RAD51B: variants seen among roughly 807,000 people sequenced by gnomAD.
RAD51B encodes the protein RAD51 paralog B.
RAD51B carries 38 observed loss-of-function variants against 42.2 expected under a neutral mutation model. The observed-to-expected ratio is 0.90, with a 90% CI of 0.70 to 1.18. The LOEUF (loss-of-function observed/expected upper bound fraction) is 1.18. Among genes scored for constraint, RAD51B ranks in the 50% most tolerant of loss-of-function variants. The pLI is 0.00. For missense variants in RAD51B, 373 were observed against 400.7 expected (o/e 0.93, Z 0.59); for synonymous variants, 154 against 145.2 (o/e 1.06, Z -0.43).
intron 8 of RAD51B, among the ~76,000 whole-genome samples, chr14:68,354,374 G>A (rs753398076): frequency 4.0e-5 from 6 of 151,880 alleles, no homozygotes; most frequent in East Asian, 3.9e-4. Context: ...ACACCACCAC[G>A]CCCAGCTAAT....
intron 7 of RAD51B, among the ~76,000 whole-genome samples, chr14:68,254,571 G>T (rs2080711308): frequency 6.6e-6 from 1 of 152,010 alleles, no homozygotes; most frequent in Admixed American, 6.6e-5. Context: ...TCACTACTTT[G>T]ACAATATTGT....
chr14:68,003,923 A>G (rs921581344), intron 7 of RAD51B, among the ~76,000 whole-genome samples: 12 of 152,108 alleles, frequency 7.9e-5, no homozygotes, highest in African/African-American at 2.9e-4. Context: ...TGCCAGTAAA[A>G]TTTTGTAATT....
intron 8 of RAD51B, among the ~76,000 whole-genome samples, chr14:68,377,637 A>G (rs1051121848): frequency 6.6e-6 from 1 of 152,168 alleles, no homozygotes; most frequent in Non-Finnish European, 1.5e-5. Context: ...CTGGTGTAGG[A>G]CAATACCAGT....
chr14:68,050,386 A>G lies in RAD51B; in HGVS notation c.756+163182A>G, dbSNP rs117916949. On this transcript the variant is annotated intron_variant, in intron 7 of 10. Coordinates refer to ENST00000471583, the MANE Select transcript of RAD51B (RefSeq NM_133510.4). The stretch of plus-strand genomic sequence containing the variant: ...TCTTTCATTTTCTCCTGACTCATCA[A>G]TATACCAGCATAACATAGGATGTAT... Among the ~76,000 whole-genome samples, 795 of 152,262 alleles carry G rather than the reference A, an allele frequency of 5.2e-3. 4 individuals carry two copies. The highest frequency in any genetic ancestry group is 8.4e-3 in the Non-Finnish European group (572 of 68,022).
At chr14:68,100,601 T>C (rs2077272684) in intron 7 of RAD51B, among the ~76,000 whole-genome samples, 1 of 152,220 alleles carries the variant, frequency 6.6e-6, no homozygotes, top group South Asian at 2.1e-4. Flanking sequence ...GTATGGACCC[T>C]GTTCTCTCAT....
At chr14:68,461,323 A>G (rs182335730) in intron 9 of RAD51B, among the ~76,000 whole-genome samples, 1 of 125,694 alleles carries the variant, frequency 8.0e-6, no homozygotes, top group East Asian at 2.3e-4. Flanking sequence ...GAATCATGCA[A>G]TATCCATGCA....
At chr14:68,443,321 G>C (rs17828721) in intron 9 of RAD51B, among the ~76,000 whole-genome samples, 23,977 of 152,110 alleles carry the variant, frequency 0.16, 2,503 homozygotes, top group Non-Finnish European at 0.23. Flanking sequence ...TTTTTTGAAC[G>C]AGTGTCTGAT....
chr14:67,935,990 G>C (rs2044928204), intron 7 of RAD51B, among the ~76,000 whole-genome samples: 1 of 152,098 alleles, frequency 6.6e-6, no homozygotes, highest in Non-Finnish European at 1.5e-5. Flanking sequence ...TTAGAAAATA[G>C]ATGTCATTTT....
intron 8 of RAD51B, among the ~76,000 whole-genome samples, chr14:68,354,963 A>T (rs1463264207): frequency 6.6e-6 from 1 of 152,146 alleles, no homozygotes; most frequent in Admixed American, 6.5e-5. Context: ...AAATGAGAAG[A>T]TAATCCCAGT....
chr14:68,307,100 G>A (rs181567099), intron 8 of RAD51B, among the ~76,000 whole-genome samples: 126 of 151,990 alleles, frequency 8.3e-4, no homozygotes, highest in Admixed American at 9.2e-4. Context: ...CTTGGGAGGC[G>A]GCTGGACTGG....
chr14:67,857,666 A>G (rs2042039445), intron 4 of RAD51B, among the ~76,000 whole-genome samples: 1 of 152,230 alleles, frequency 6.6e-6, no homozygotes, highest in South Asian at 2.1e-4. Context: ...CATGGATAGT[A>G]TGTATAGAAA....
downstream of RAD51B, chr14:68,478,161 A>C: frequency 1.0e-6 from 1 of 986,692 alleles, no homozygotes; most frequent in Non-Finnish European, 1.2e-6. Context: ...AAATCATGGA[A>C]TGATGTGGGA....
At chr14:68,069,458 T>TC in intron 7 of RAD51B, 1 of 152,208 alleles carries the variant, frequency 6.6e-6, no homozygotes, top group East Asian at 1.9e-4. Context: ...CTTAAGTAGG[T>TC]CCCAGTGTCT....
chr14:68,449,171 A>G (rs1441245942), intron 9 of RAD51B, among the ~76,000 whole-genome samples: 1 of 152,116 alleles, frequency 6.6e-6, no homozygotes, highest in Non-Finnish European at 1.5e-5. Context: ...TTCCTTAAAA[A>G]CTCATATCAG....
chr14:68,335,296 C>CAAAA (rs768281887), intron 8 of RAD51B, among the ~76,000 whole-genome samples: 2 of 43,166 alleles, frequency 4.6e-5, no homozygotes, highest in Non-Finnish European at 9.6e-5. Context: ...GACCCTGTGT[C>CAAAA]AAAAAAAAAA....
chr14:68,438,236 C>T (rs1247191763), intron 9 of RAD51B, among the ~76,000 whole-genome samples: 2 of 151,912 alleles, frequency 1.3e-5, no homozygotes, highest in Non-Finnish European at 2.9e-5. Context: ...GAAATGAGGG[C>T]CTGAACCAAG....
At chr14:68,369,116 C>G (rs559698763) in intron 8 of RAD51B, among the ~76,000 whole-genome samples, 78 of 152,188 alleles carry the variant, frequency 5.1e-4, no homozygotes, top group Admixed American at 2.0e-3. Context: ...GGTGATACAT[C>G]CCTCTTGGGA....
chr14:68,561,911 G>A, intron 10 of RAD51B: 2 of 959,736 alleles, frequency 2.1e-6, no homozygotes, highest in South Asian at 9.7e-5. Flanking sequence ...GAGGGCGAGT[G>A]GGAGGATGAA....
chr14:68,638,869 A>G (rs1376358501), intron 10 of RAD51B, among the ~76,000 whole-genome samples: 2 of 152,198 alleles, frequency 1.3e-5, no homozygotes, highest in African/African-American at 4.8e-5. Flanking sequence ...AGAGAAAACA[A>G]CAGGAAGCAG....
Sources: gnomAD v4.1 joint callset for allele counts (sites outside exome capture counted in the v4.1 genomes callset) on GRCh38, gnomAD v4.1.1 for gene constraint, MANE v1.5 for transcripts, NCBI Gene and HGNC (gene_info 2026-07-23, HGNC 2026-07-21) for gene names.